The following ARMH3 variants were observed in gnomAD, a reference collection of about 807,000 sequenced individuals.
The protein encoded by ARMH3 is armadillo-like helical domain-containing protein 3.
ARMH3 carries 60 observed loss-of-function variants against 99.1 expected under a neutral mutation model. The ratio of observed to expected loss-of-function variants is 0.61; its 90% confidence interval spans 0.49 to 0.75. The LOEUF (loss-of-function observed/expected upper bound fraction) is 0.75, where lower values mean the gene tolerates loss of function less well. ARMH3 is among the 30% of genes least tolerant of loss of function. ARMH3 has a pLI of 0.00. For missense variants in ARMH3, 679 were observed against 843.1 expected, an observed-to-expected ratio of 0.81 and a Z score of 2.41; for synonymous variants, 285 against 292.8, an observed-to-expected ratio of 0.97 and a Z score of 0.27.
At chr10:101,929,311 GCTCAC>G (rs1843629004) in intron 23 of ARMH3, among the ~76,000 whole-genome samples, 1 of 152,232 alleles carries the variant, frequency 6.6e-6, no homozygotes, top group East Asian at 1.9e-4. Flanking sequence ...TGGGCTATTA[GCTCAC>G]CAAGGAATAA....
intron 23 of ARMH3, among the ~76,000 whole-genome samples, chr10:101,903,185 G>T (rs2068022031): frequency 2.0e-5 from 3 of 152,160 alleles, no homozygotes; most frequent in Admixed American, 1.3e-4. Context: ...CTCTTACTCT[G>T]CAAATTGACT....
chr10:102,044,960 AC>A (rs2067511081), intron 1 of ARMH3, among the ~76,000 whole-genome samples: 1 of 151,568 alleles, frequency 6.6e-6, no homozygotes, highest in Non-Finnish European at 1.5e-5. Flanking sequence ...ACATGGCAAA[AC>A]CCCGTCTCTA....
At chr10:102,025,390 A>C (rs762329222) in intron 5 of ARMH3, 142 bp from the exon 6 acceptor site, 2 of 611,390 alleles carry the variant, frequency 3.3e-6, no homozygotes, top group Non-Finnish European at 5.5e-6. Context: ...AACTTACAAG[A>C]TTAAATAAAG....
intron 24 of ARMH3, among the ~76,000 whole-genome samples, chr10:101,874,802 C>A (rs1589946904): frequency 6.6e-6 from 1 of 152,060 alleles, no homozygotes; most frequent in Non-Finnish European, 1.5e-5. Context: ...TGCAAAGAGA[C>A]AATATTTCAC....
intron 23 of ARMH3, among the ~76,000 whole-genome samples, chr10:101,924,943 G>A (rs903896925): frequency 6.6e-5 from 10 of 152,102 alleles, no homozygotes; most frequent in East Asian, 1.9e-4. Flanking sequence ...GCAGTGAGCC[G>A]AGATCATGCC....
Position 101,902,278 on chromosome 10 carries a change from G to C in ARMH3, c.1782-12788C>G, listed in dbSNP as rs117993115. Among the ~76,000 whole-genome samples, 204 of 152,296 alleles carry C rather than the reference G, an allele frequency of 1.3e-3. 4 individuals are homozygous for C. The East Asian group carries it at 0.036, about 27-fold the overall frequency. ...TCTCACAAGGGGAAGGCTGTTAAGA[G>C]TAGCTGTGAGACAAATTCAAAAAAT... On this transcript the variant is annotated intron_variant, in intron 23 of 25. Coordinates refer to ENST00000370033, the MANE Select transcript of ARMH3 (RefSeq NM_024541.3).
chr10:101,858,339 CT>C (rs910160390), intron 24 of ARMH3, among the ~76,000 whole-genome samples: 4 of 152,166 alleles, frequency 2.6e-5, no homozygotes, highest in Admixed American at 2.6e-4. Context: ...CAGGATGGAG[CT>C]GGGTAAGCCT....
At chr10:101,923,656 CTGCCCTTTACT>C (rs1843389757) in intron 23 of ARMH3, among the ~76,000 whole-genome samples, 2 of 152,220 alleles carry the variant, frequency 1.3e-5, no homozygotes. Context: ...TCTTTTTTTA[CTGCCCTTTACT>C]TGTTATGGTC....
At chr10:101,987,827 T>C (rs569884753) in intron 19 of ARMH3, among the ~76,000 whole-genome samples, 2 of 152,186 alleles carry the variant, frequency 1.3e-5, no homozygotes, top group Non-Finnish European at 2.9e-5. Context: ...TGAGCCCCAG[T>C]AGAATCTCAG....
chr10:101,971,305 G>A (rs781207050), intron 20 of ARMH3, among the ~76,000 whole-genome samples: 4 of 151,988 alleles, frequency 2.6e-5, no homozygotes, highest in Non-Finnish European at 2.9e-5. Flanking sequence ...CTGGCCGGGC[G>A]CAGTGGCTCA....
At chr10:101,984,596 G>A (rs113890174) in intron 19 of ARMH3, among the ~76,000 whole-genome samples, 1,573 of 151,970 alleles carry the variant, frequency 0.01, 30 homozygotes, top group African/African-American at 0.032. Context: ...AATGAGATGC[G>A]ACCTACATCC....
At chr10:101,973,832 T>A (rs1298833784) in intron 20 of ARMH3, among the ~76,000 whole-genome samples, 1 of 152,236 alleles carries the variant, frequency 6.6e-6, no homozygotes, top group East Asian at 1.9e-4. Context: ...ATTCAAGTTA[T>A]AGACATAAAC....
rs549822429 is a variant in ARMH3 at position 101,850,422 on chromosome 10, CT to C, written c.1861-531del. Among the ~76,000 whole-genome samples the C allele has an allele frequency of 1.5e-3, 206 of 134,446 alleles. 1 individual carries two copies. Among genetic ancestry groups the C allele is most frequent in the Admixed American group, 3.7e-3 (50 of 13,362 alleles). The allele number at this position is 134,446 out of a possible 152,430, so 88.2% of individuals were successfully genotyped here. A position where few individuals can be genotyped will look rare whatever the true frequency, so the allele number is the denominator to read the frequency against. On this transcript the variant is annotated intron_variant, in intron 24 of 25. Coordinates refer to ENST00000370033, the MANE Select transcript of ARMH3 (RefSeq NM_024541.3). ...CCAACTTTCTAATCTCTCTCTCTCTCTTTTTTTTTTTTTCCTTTTTGAGACA... is the reference window on the plus strand; with the variant it reads ...CCAACTTTCTAATCTCTCTCTCTCTCTTTTTTTTTTTTCCTTTTTGAGACA...
chr10:102,043,968 G>A (rs1037148803), intron 1 of ARMH3, among the ~76,000 whole-genome samples: 3 of 152,098 alleles, frequency 2.0e-5, no homozygotes, highest in African/African-American at 4.8e-5. Flanking sequence ...CCAGGCTGGA[G>A]TGCAGTGGTG....
intron 19 of ARMH3, among the ~76,000 whole-genome samples, chr10:101,979,810 T>C (rs1409955111): frequency 6.6e-6 from 1 of 152,224 alleles, no homozygotes; most frequent in Non-Finnish European, 1.5e-5. Context: ...GATAAATTGA[T>C]ACTCTTCATT....
intron 22 of ARMH3, 27 bp from the exon 23 acceptor site, chr10:101,939,965 T>A: frequency 6.3e-7 from 1 of 1,599,724 alleles, no homozygotes; most frequent in South Asian, 1.1e-5. Context: ...AACACAGATC[T>A]GTCAAACCCC....
chr10:101,962,069 C>T (rs774877528), intron 20 of ARMH3, among the ~76,000 whole-genome samples: 8 of 152,210 alleles, frequency 5.3e-5, no homozygotes, highest in African/African-American at 9.6e-5. Context: ...AGATTTCCAA[C>T]GAAGCATGAC....
At chr10:102,033,796 T>C (rs1300644910) in intron 2 of ARMH3, among the ~76,000 whole-genome samples, 1 of 152,212 alleles carries the variant, frequency 6.6e-6, no homozygotes. Flanking sequence ...CTTATCTCTT[T>C]GTGTTTTTTT....
At chr10:101,855,776 T>A (rs925900431) in intron 24 of ARMH3, among the ~76,000 whole-genome samples, 8 of 146,180 alleles carry the variant, frequency 5.5e-5, no homozygotes, top group Non-Finnish European at 3.0e-5. Context: ...ATAAATATAT[T>A]ATATATATAT....
Sources: gnomAD v4.1 joint callset for allele counts (sites outside exome capture counted in the v4.1 genomes callset) on GRCh38, gnomAD v4.1.1 for gene constraint, MANE v1.5 for transcripts, NCBI Gene and HGNC (gene_info 2026-07-23, HGNC 2026-07-21) for gene names.